Variants in CPEB2 observed in about 807,000 individuals in gnomAD.
CPEB2 encodes the protein cytoplasmic polyadenylation element binding protein 2.
A neutral mutation model predicts 93.6 loss-of-function variants in CPEB2; 56 were observed. The observed-to-expected ratio is 0.60, with a 90% CI of 0.48 to 0.75. The LOEUF is 0.75. Among genes scored for constraint, CPEB2 ranks in the 30% least tolerant of loss-of-function variants. The probability of loss-of-function intolerance (pLI) is 0.00; values close to 1 mark genes in which losing one functional copy is unlikely to be tolerated. For synonymous variants in CPEB2, 764 were observed against 586.3 expected, an observed-to-expected ratio of 1.30 and a Z score of -4.38; for missense variants, 1,579 against 1,395.1, an observed-to-expected ratio of 1.13 and a Z score of -2.10.
At position 15,003,298 on chromosome 4, in the gene CPEB2, AGCCCGCCGCCGCCGCCAGCCG is replaced by A. The variant is rs1158268342; in HGVS notation, c.632_652del (p.Pro211_Pro217del). 5.5e-6 allele frequency: 8 copies of A among 1,445,116 alleles called. No individual in the cohort carries two copies. The highest frequency in any genetic ancestry group is 7.2e-6 in the Non-Finnish European group (8 of 1,114,958). The allele number at this position is 1,445,116 out of a possible 1,614,324, so 89.5% of individuals were successfully genotyped here. ...GCCGCTCCACTGCCCCGGTCGGTTC[AGCCCGCCGCCGCCGCCAGCCG>A]GCCCGCTCCTCCAGCCGGCGCAGCT... On this transcript the variant is annotated inframe_deletion, in exon 1 of 12. Coordinates refer to ENST00000538197, the MANE Select transcript of CPEB2 (RefSeq NM_001177382.2).
intron 4 of CPEB2, among the ~76,000 whole-genome samples, chr4:15,018,205 A>G (rs1042388916): frequency 4.0e-5 from 6 of 151,886 alleles, no homozygotes; most frequent in African/African-American, 1.4e-4. Flanking sequence ...CCAAGTTAGA[A>G]TTCTCTTTCA....
At position 15,003,013 on chromosome 4, in the gene CPEB2, G is replaced by A. The variant is rs1485633296; in HGVS notation, c.340G>A (p.Ala114Thr). 6.7e-7 allele frequency: 1 copy of A among 1,497,384 alleles called. No homozygotes were observed. Among genetic ancestry groups the A allele is most frequent in the Non-Finnish European group, 8.8e-7 (1 of 1,134,868 alleles). The allele number at this position is 1,497,384 out of a possible 1,614,324, so 92.8% of individuals were successfully genotyped here. A position where few individuals can be genotyped will look rare whatever the true frequency, so the allele number is the denominator to read the frequency against. ...QPARPLSGAA[A>T]TEKLPDHHPG... is the part of the protein sequence containing the mutation. ...GGCGCGGCCGCTTTCGGGGGCGGCGGCCACGGAGAAACTCCCCGACCACCA... is the reference window on the plus strand; with the variant it reads ...GGCGCGGCCGCTTTCGGGGGCGGCGACCACGGAGAAACTCCCCGACCACCA... Residue 114 changes from alanine (A) to threonine (T), a missense_variant, in exon 1 of 12, where the codon GCC becomes ACC. Transcript: ENST00000538197.
chr4:15,004,317 C>T lies in CPEB2; in HGVS notation c.1644C>T (p.Asn548=). 1 of 1,482,856 alleles carries T rather than the reference C, an allele frequency of 6.7e-7. No individual in the cohort carries two copies. Among genetic ancestry groups the T allele is most frequent in the Non-Finnish European group, 8.9e-7 (1 of 1,125,580 alleles). 91.9% of individuals were successfully genotyped at this position (1,482,856 alleles called of 1,614,324 possible). A position where few individuals can be genotyped will look rare whatever the true frequency, so the allele number is the denominator to read the frequency against. The change falls in exon 1 of 12, where the codon AAC becomes AAT. Residue 548 remains asparagine, a synonymous_variant. Coordinates refer to ENST00000538197, the MANE Select transcript of CPEB2 (RefSeq NM_001177382.2). ...CCGCCGCCTTCCTGCAGCAGAGGAACTCCTATAACCACCACCAGGTACGGC... is the reference window on the plus strand; with the variant it reads ...CCGCCGCCTTCCTGCAGCAGAGGAATTCCTATAACCACCACCAGGTACGGC... ...AAAAAFLQQR[N]SYNHHQPLLK...
In CPEB2 at chr4:15,007,598, A is replaced by G; in HGVS notation, c.1944+12A>G. On this transcript the variant is annotated intron_variant, in intron 2 of 11. Coordinates refer to ENST00000538197, the MANE Select transcript of CPEB2 (RefSeq NM_001177382.2). ...TCTTACCCTTACAGGTAAGAATGGT[A>G]TGTAAATGACCTTATCTCTAATGTT... 6.6e-7 allele frequency: 1 copy of G among 1,514,834 alleles called. No individual in the cohort carries two copies. Among genetic ancestry groups the G allele is most frequent in the East Asian group, 2.4e-5 (1 of 41,996 alleles). The allele number at this position is 1,514,834 out of a possible 1,614,324, so 93.8% of individuals were successfully genotyped here.
At chr4:15,050,048 T>C (rs930391562) in intron 6 of CPEB2, among the ~76,000 whole-genome samples, 3 of 152,160 alleles carry the variant, frequency 2.0e-5, no homozygotes, top group African/African-American at 7.2e-5. Context: ...CATAAAACGG[T>C]CCGGTCCGTG....
Position 15,002,600 on chromosome 4 carries a change from A to G in CPEB2, c.-74A>G, listed in dbSNP as rs186244914. On this transcript the variant is annotated 5_prime_UTR_variant, in exon 1 of 12. Coordinates refer to ENST00000538197, the MANE Select transcript of CPEB2 (RefSeq NM_001177382.2). ...CCCCTCCTTCCACCACGGCCGCGCAACCCCAGCGCCGGCGGCTTCCTAGGT... is the reference window on the plus strand; with the variant it reads ...CCCCTCCTTCCACCACGGCCGCGCAGCCCCAGCGCCGGCGGCTTCCTAGGT... The G allele has an allele frequency of 1.6e-4, 208 of 1,289,816 alleles. No individual in the cohort carries two copies. The African/African-American group carries it at 2.7e-3, about 17-fold the overall frequency. The allele number at this position is 1,289,816 out of a possible 1,614,324, so 79.9% of individuals were successfully genotyped here.
intron 8 of CPEB2, among the ~76,000 whole-genome samples, chr4:15,054,824 C>T (rs1224301769): frequency 6.6e-6 from 1 of 151,894 alleles, no homozygotes; most frequent in Non-Finnish European, 1.5e-5. Flanking sequence ...AGAAAGGAGT[C>T]TTGAACATTA....
In CPEB2 at chr4:15,052,450, TTGA is replaced by T; in HGVS notation, c.2243_2245del (p.Asp748del). 1 of 1,567,874 alleles carries T rather than the reference TTGA, an allele frequency of 6.4e-7. No individual in the cohort carries two copies. Among genetic ancestry groups the T allele is most frequent in the African/African-American group, 1.4e-5 (1 of 73,650 alleles). On this transcript the variant is annotated inframe_deletion, in exon 7 of 12. Coordinates refer to ENST00000538197, the MANE Select transcript of CPEB2 (RefSeq NM_001177382.2). Reference sequence around the variant, plus strand: ...CTCTTTCCAATAGATGATGGCTTGCTTGATGATGGTCACAGTGATCAAGTTGGA... The same window carrying T: ...CTCTTTCCAATAGATGATGGCTTGCTTGATGGTCACAGTGATCAAGTTGGA...
Position 15,003,311 on chromosome 4 carries a change from C to T in CPEB2, c.638C>T (p.Pro213Leu), listed in dbSNP as rs1204039822. 8.4e-6 allele frequency: 12 copies of T among 1,427,472 alleles called. No individual in the cohort carries two copies. The African/African-American group carries it at 1.7e-4, about 20-fold the overall frequency. 88.4% of individuals were successfully genotyped at this position (1,427,472 alleles called of 1,614,324 possible). A position where few individuals can be genotyped will look rare whatever the true frequency, so the allele number is the denominator to read the frequency against. ...HCPGRFSPPP[P>L]PAGPLLQPAQ... ...CCCGGTCGGTTCAGCCCGCCGCCGC[C>T]GCCAGCCGGCCCGCTCCTCCAGCCG... Residue 213 changes from proline (P) to leucine (L), a missense_variant, in exon 1 of 12, where the codon CCG becomes CTG. Physicochemically the swap from Pro to Leu is moderately conservative, Grantham distance 98. This residue lies in a region of CPEB2 where 1,411 missense variants were observed against 1,056.0 expected (regional missense o/e 1.34). Transcript: ENST00000538197.
chr4:15,064,829 T>A (rs929161372), intron 11 of CPEB2, among the ~76,000 whole-genome samples: 2 of 152,044 alleles, frequency 1.3e-5, no homozygotes, highest in African/African-American at 4.8e-5. Flanking sequence ...AAGGAAAAAG[T>A]TGAGAGATAA....
chr4:15,012,824 A>G (rs1034043026), intron 3 of CPEB2, among the ~76,000 whole-genome samples: 3 of 152,238 alleles, frequency 2.0e-5, no homozygotes, highest in Middle Eastern at 3.4e-3. Flanking sequence ...ATATAAGAAT[A>G]TAGGGGTTTT....
chr4:15,008,536 T>C (rs1723101700), intron 3 of CPEB2, 109 bp downstream of exon 3: 2 of 589,036 alleles, frequency 3.4e-6, no homozygotes, highest in Non-Finnish European at 2.8e-6. Context: ...AAACATATGT[T>C]AGAGGACACT....
chr4:15,053,709 A>C (rs1728454358), intron 7 of CPEB2, among the ~76,000 whole-genome samples: 1 of 152,192 alleles, frequency 6.6e-6, no homozygotes, highest in Non-Finnish European at 1.5e-5. Flanking sequence ...TCAACATTGT[A>C]GTTATTCAAG....
At chr4:15,045,882 G>A (rs933371617) in intron 6 of CPEB2, among the ~76,000 whole-genome samples, 1 of 152,086 alleles carries the variant, frequency 6.6e-6, no homozygotes, top group Non-Finnish European at 1.5e-5. Context: ...AAGTAAAAGA[G>A]AAATGATTAG....
At chr4:15,043,637 A>T (rs1218235383) in intron 6 of CPEB2, among the ~76,000 whole-genome samples, 1 of 152,150 alleles carries the variant, frequency 6.6e-6, no homozygotes, top group Admixed American at 6.5e-5. Flanking sequence ...CTATTTCTAT[A>T]GCACAATAAG....
intron 1 of CPEB2, among the ~76,000 whole-genome samples, chr4:15,006,004 G>A (rs965373426): frequency 6.6e-6 from 1 of 152,154 alleles, no homozygotes; most frequent in Non-Finnish European, 1.5e-5. Flanking sequence ...ACTGTAATTT[G>A]CTTTTGGACA....
chr4:15,030,221 A>C (rs1370570143), intron 4 of CPEB2, among the ~76,000 whole-genome samples: 5 of 152,088 alleles, frequency 3.3e-5, no homozygotes, highest in African/African-American at 1.2e-4. Context: ...ATATTCTGTG[A>C]ATTTTTTAAG....
chr4:15,028,067 T>G (rs1370350586), intron 4 of CPEB2, among the ~76,000 whole-genome samples: 4 of 152,200 alleles, frequency 2.6e-5, no homozygotes, highest in Non-Finnish European at 5.9e-5. Context: ...ATGTTTATTT[T>G]TCTTTTAGAA....
rs562626923 is a variant in CPEB2 at position 15,068,225 on chromosome 4, C to G, written c.*1845C>G. 2 of 152,124 alleles carry G rather than the reference C, an allele frequency of 1.3e-5. No homozygotes were observed. The highest frequency in any genetic ancestry group is 2.9e-5 in the Non-Finnish European group (2 of 67,856). 9.4% of individuals were successfully genotyped at this position (152,124 alleles called of 1,614,324 possible). A position where few individuals can be genotyped will look rare whatever the true frequency, so the allele number is the denominator to read the frequency against. ...CTTAATATTGGTTGTCTGTGGTGTGCTTTTTTGTACTGTAAAAATATGTGG... is the reference window on the plus strand; with the variant it reads ...CTTAATATTGGTTGTCTGTGGTGTGGTTTTTTGTACTGTAAAAATATGTGG... On this transcript the variant is annotated 3_prime_UTR_variant, in exon 12 of 12. Transcript: ENST00000538197.
Sources: allele counts gnomAD v4.1 joint callset (sites outside exome capture counted in the v4.1 genomes callset), GRCh38; gene constraint gnomAD v4.1.1; regional missense constraint gnomAD v4.1.1; transcripts MANE v1.5; gene names NCBI Gene and HGNC (gene_info 2026-07-23, HGNC 2026-07-21).